Variants in RASEF observed in about 807,000 individuals in gnomAD.
The protein encoded by RASEF is ras and EF-hand domain-containing protein.
RASEF carries 68 observed loss-of-function variants against 90.1 expected under a neutral mutation model. That is an observed-to-expected ratio of 0.75 (90% confidence interval 0.62 to 0.92). The LOEUF (loss-of-function observed/expected upper bound fraction) is 0.92. Among genes scored for constraint, RASEF ranks in the 40% least tolerant of loss-of-function variants. The pLI is 0.00. For synonymous variants in RASEF, 331 were observed against 345.2 expected (o/e 0.96, Z 0.46); for missense variants, 949 against 937.2 (o/e 1.01, Z -0.16).
chr9:83,069,428 A>T, the RASEF span, among the ~76,000 whole-genome samples: 38 of 152,314 alleles, frequency 2.5e-4, 1 homozygote, highest in South Asian at 7.9e-3. Context: ...ATAGAATTGT[A>T]CACTATGCAC....
chr9:83,007,392 A>G (rs753052501), intron 7 of RASEF, 45 bp downstream of exon 7: 2 of 1,444,944 alleles, frequency 1.4e-6, no homozygotes, highest in South Asian at 1.1e-5. Context: ...TAACTAAAAA[A>G]CAAGTGAAAT....
At chr9:83,125,312 C>T in the RASEF span, among the ~76,000 whole-genome samples, 5 of 152,186 alleles carry the variant, frequency 3.3e-5, no homozygotes, top group Non-Finnish European at 7.3e-5. Context: ...AAAACAGATT[C>T]TCCTCTAGTG....
intron 14 of RASEF, among the ~76,000 whole-genome samples, chr9:82,996,689 C>T (rs1365902334): frequency 6.6e-6 from 1 of 152,196 alleles, no homozygotes; most frequent in Admixed American, 6.5e-5. Context: ...ACCACACCAT[C>T]TCCTTGTTTG....
the RASEF span, among the ~76,000 whole-genome samples, chr9:83,113,066 T>C: frequency 1.3e-5 from 2 of 152,194 alleles, no homozygotes; most frequent in African/African-American, 4.8e-5. Flanking sequence ...AGATAAAATA[T>C]TGATATCATA....
the RASEF span, among the ~76,000 whole-genome samples, chr9:83,133,550 C>T: frequency 6.6e-6 from 1 of 152,208 alleles, no homozygotes; most frequent in African/African-American, 2.4e-5. Context: ...AGTTTCTCCA[C>T]AAATAAAATG....
At chr9:83,041,411 A>G (rs1343977693) in intron 1 of RASEF, among the ~76,000 whole-genome samples, 1 of 152,246 alleles carries the variant, frequency 6.6e-6, no homozygotes, top group Non-Finnish European at 1.5e-5. Context: ...TAAATCAATA[A>G]CAGTGTCCCA....
At chr9:83,198,237 A>G in the RASEF span, among the ~76,000 whole-genome samples, 4 of 152,326 alleles carry the variant, frequency 2.6e-5, no homozygotes, top group African/African-American at 9.6e-5. Context: ...CCTGAAAACT[A>G]TGACTACATA....
the RASEF span, among the ~76,000 whole-genome samples, chr9:83,137,956 A>G: frequency 6.6e-6 from 1 of 151,966 alleles, no homozygotes; most frequent in African/African-American, 2.4e-5. Context: ...GGATATACAA[A>G]CTTGAACTTT....
chr9:83,030,301 G>A (rs1829622669), intron 1 of RASEF, among the ~76,000 whole-genome samples: 1 of 151,686 alleles, frequency 6.6e-6, no homozygotes, highest in Non-Finnish European at 1.5e-5. Context: ...AGATTGCGGT[G>A]AGCCAAGATC....
chr9:83,092,003 CTTTTTTTTT>C, the RASEF span, among the ~76,000 whole-genome samples: 273 of 35,930 alleles, frequency 7.6e-3, 4 homozygotes, highest in East Asian at 0.17. Context: ...TCTTTTATTT[CTTTTTTTTT>C]TTTTTTTTTT....
At chr9:83,191,272 T>G in the RASEF span, among the ~76,000 whole-genome samples, 2 of 152,136 alleles carry the variant, frequency 1.3e-5, no homozygotes, top group East Asian at 3.8e-4. Context: ...GAAAACCAAT[T>G]TGCTAACAAA....
chr9:83,001,609 T>C (rs1280056766), intron 9 of RASEF, among the ~76,000 whole-genome samples: 1 of 152,188 alleles, frequency 6.6e-6, no homozygotes, highest in Non-Finnish European at 1.5e-5. Context: ...CCCTCAGAGC[T>C]GAAAAATAAG....
the RASEF span, among the ~76,000 whole-genome samples, chr9:83,140,764 A>C: frequency 3.3e-5 from 5 of 152,230 alleles, no homozygotes; most frequent in East Asian, 9.6e-4. Context: ...TAATTTAGAA[A>C]GCACTTTTAT....
At chr9:83,055,576 AT>A in intron 1 of RASEF, 2 of 717,452 alleles carry the variant, frequency 2.8e-6, no homozygotes, top group Non-Finnish European at 2.6e-6. Flanking sequence ...TCCCTCCTCG[AT>A]TGTCCAAAGT....
At chr9:83,110,821 G>T in the RASEF span, among the ~76,000 whole-genome samples, 1 of 152,000 alleles carries the variant, frequency 6.6e-6, no homozygotes, top group Non-Finnish European at 1.5e-5. Flanking sequence ...CAGTAATTCT[G>T]GGTTAGTTGT....
intron 7 of RASEF, 78 bp downstream of exon 7, chr9:83,007,359 G>A (rs1213183303): frequency 1.7e-5 from 20 of 1,160,096 alleles, no homozygotes; most frequent in South Asian, 7.4e-5. Context: ...GGCAACTCAC[G>A]TTCTATGTGT....
chr9:83,152,411 C>G, the RASEF span, among the ~76,000 whole-genome samples: 3 of 152,148 alleles, frequency 2.0e-5, no homozygotes, highest in Admixed American at 1.3e-4. Context: ...TACACCATCT[C>G]TCTTCCTCTA....
rs373661596 is a variant in RASEF, at chr9:82,995,476, G to A, written c.1920+1536C>T. Among the ~76,000 whole-genome samples the A allele has an allele frequency of 1.1e-4, 17 of 152,054 alleles. No homozygotes were observed. The South Asian group carries it at 1.7e-3, about 15-fold the overall frequency. On this transcript the variant is annotated intron_variant, in intron 14 of 16. Transcript: ENST00000376447. Reference sequence around the variant, plus strand: ...CCTTTTTATTTGAGATGGGGGTCTCGCTCTGTCACTCAGGCTGGAGTGCAG... The same window carrying A: ...CCTTTTTATTTGAGATGGGGGTCTCACTCTGTCACTCAGGCTGGAGTGCAG...
the RASEF span, among the ~76,000 whole-genome samples, chr9:83,104,420 T>G: frequency 1.2e-4 from 19 of 152,088 alleles, no homozygotes; most frequent in African/African-American, 4.6e-4. Context: ...GTTAAGAAAC[T>G]GAGAGAGCTT....
Sources: gnomAD v4.1 joint callset for allele counts (sites outside exome capture counted in the v4.1 genomes callset) on GRCh38, gnomAD v4.1.1 for gene constraint, MANE v1.5 for transcripts, NCBI Gene and HGNC (gene_info 2026-07-23, HGNC 2026-07-21) for gene names.